Variants in ZNF33B observed in about 807,000 individuals in gnomAD.
ZNF33B encodes zinc finger protein 11b (KOX 2).
A neutral mutation model predicts 45.8 loss-of-function variants in ZNF33B; 29 were observed. That is an observed-to-expected ratio of 0.63 (90% CI 0.47 to 0.86). The LOEUF (loss-of-function observed/expected upper bound fraction) is 0.86. Ranked by LOEUF, ZNF33B falls within the 40% of genes least tolerant of loss-of-function variation. ZNF33B has a pLI of 0.00. For synonymous variants in ZNF33B, 305 were observed against 307.8 expected, an observed-to-expected ratio of 0.99 and a Z score of 0.10; for missense variants, 831 against 909.9, an observed-to-expected ratio of 0.91 and a Z score of 1.12.
intron 4 of ZNF33B, among the ~76,000 whole-genome samples, chr10:42,596,997 T>C (rs1837427405): frequency 6.6e-6 from 1 of 152,030 alleles, no homozygotes; most frequent in African/African-American, 2.4e-5. Context: ...GTTTCTGATA[T>C]TGGAAAGAAA....
chr10:42,604,015 T>A (rs1448988559), intron 4 of ZNF33B, among the ~76,000 whole-genome samples: 5 of 152,202 alleles, frequency 3.3e-5, no homozygotes, highest in Non-Finnish European at 7.3e-5. Flanking sequence ...ACAATGTCTA[T>A]TCTTCAACAA....
chr10:42,614,451 T>G (rs1447108259), intron 4 of ZNF33B: 3 of 152,588 alleles, frequency 2.0e-5, no homozygotes, highest in African/African-American at 4.8e-5. Flanking sequence ...AGACACTAAA[T>G]AAAAATATGG....
intron 4 of ZNF33B, among the ~76,000 whole-genome samples, chr10:42,610,737 A>G (rs1383841477): frequency 6.6e-6 from 1 of 152,246 alleles, no homozygotes; most frequent in African/African-American, 2.4e-5. Flanking sequence ...TGCCAAATTA[A>G]TATCTAAATT....
chr10:42,595,468 G>C (rs1460084472), intron 4 of ZNF33B, among the ~76,000 whole-genome samples: 2 of 151,884 alleles, frequency 1.3e-5, no homozygotes, highest in Admixed American at 1.3e-4. Context: ...TCTTATTAAA[G>C]ACTTATTAAA....
rs1837008365 is a variant in ZNF33B at position 42,589,308 on chromosome 10, C to T, written c.*3305G>A. The T allele has an allele frequency of 6.6e-6, 1 of 152,204 alleles. No individual in the cohort carries two copies. Among genetic ancestry groups the T allele is most frequent in the African/African-American group, 2.4e-5 (1 of 41,450 alleles). The allele number at this position is 152,204 out of a possible 1,614,324, so 9.4% of individuals were successfully genotyped here. On this transcript the variant is annotated 3_prime_UTR_variant, in exon 5 of 5. Coordinates refer to ENST00000359467, the MANE Select transcript of ZNF33B (RefSeq NM_006955.3). ...TACAATTGATGAGCCAATAGTGGTA[C>T]ACTGTTATTAACTGAAGTCCAGAGT...
intron 4 of ZNF33B, among the ~76,000 whole-genome samples, chr10:42,600,732 T>C (rs1167343470): frequency 6.6e-6 from 1 of 152,212 alleles, no homozygotes; most frequent in Non-Finnish European, 1.5e-5. Flanking sequence ...ATATGAATCT[T>C]CCAATAGTAT....
intron 4 of ZNF33B, among the ~76,000 whole-genome samples, chr10:42,617,947 C>A (rs1838398850): frequency 6.6e-6 from 1 of 152,194 alleles, no homozygotes; most frequent in African/African-American, 2.4e-5. Flanking sequence ...ACTGAAACCA[C>A]ACAAACTCCA....
At chr10:42,596,569 T>C (rs1837409263) in intron 4 of ZNF33B, among the ~76,000 whole-genome samples, 1 of 152,190 alleles carries the variant, frequency 6.6e-6, no homozygotes, top group Non-Finnish European at 1.5e-5. Flanking sequence ...TCAGCAATAT[T>C]GAGCTTTCTG....
chr10:42,625,715 C>T (rs1714892806), intron 4 of ZNF33B, among the ~76,000 whole-genome samples: 1 of 152,238 alleles, frequency 6.6e-6, no homozygotes, highest in South Asian at 2.1e-4. Context: ...TCAGGTGATC[C>T]ACTCGCCACG....
rs185039215 is a variant in ZNF33B at position 42,633,787 on chromosome 10, G to A, written c.10-1348C>T. Among the ~76,000 whole-genome samples the A allele has an allele frequency of 5.0e-3, 759 of 152,246 alleles. 6 individuals are homozygous for A. Among genetic ancestry groups the A allele is most frequent in the African/African-American group, 0.017 (718 of 41,528 alleles). On this transcript the variant is annotated intron_variant, in intron 2 of 4. Coordinates refer to ENST00000359467, the MANE Select transcript of ZNF33B (RefSeq NM_006955.3). ...GTTCGAGACCAGCCTGACCAAAATG[G>A]TGAAACCTCATCTCTACTAAAAATA...
downstream of ZNF33B, among the ~76,000 whole-genome samples, chr10:42,585,283 T>C (rs1404976507): frequency 6.6e-6 from 1 of 152,224 alleles, no homozygotes; most frequent in Non-Finnish European, 1.5e-5. Context: ...CAAAGTGTTT[T>C]TATAATGAAC....
chr10:42,598,751 T>A (rs114109457), intron 4 of ZNF33B, among the ~76,000 whole-genome samples: 1,844 of 152,320 alleles, frequency 0.012, 25 homozygotes, highest in African/African-American at 0.03. Context: ...TAACCACACT[T>A]GGTCATGAGG....
At chr10:42,602,312 T>G (rs1275826366) in intron 4 of ZNF33B, among the ~76,000 whole-genome samples, 5 of 146,406 alleles carry the variant, frequency 3.4e-5, no homozygotes, top group Non-Finnish European at 7.5e-5. Flanking sequence ...TTTGATTTGT[T>G]TTTTTTTTTT....
chr10:42,605,122 T>A (rs1420951180), intron 4 of ZNF33B: 1 of 150,136 alleles, frequency 6.7e-6, no homozygotes, highest in East Asian at 2.0e-4. Flanking sequence ...AGGGGAAAAA[T>A]ATCAAGTAGC....
chr10:42,592,458 A>C lies in ZNF33B; in HGVS notation c.*155T>G. On this transcript the variant is annotated 3_prime_UTR_variant, in exon 5 of 5. Coordinates refer to ENST00000359467, the MANE Select transcript of ZNF33B (RefSeq NM_006955.3). ...AGCCATCCTATAGTTGTTGTAGTCT[A>C]TGGGTTTATCCCCTACTGTTACTTT... The C allele has an allele frequency of 9.2e-7, 1 of 1,085,508 alleles. No individual in the cohort carries two copies. Among genetic ancestry groups the C allele is most frequent in the Non-Finnish European group, 1.3e-6 (1 of 751,638 alleles). The allele number at this position is 1,085,508 out of a possible 1,614,324, so 67.2% of individuals were successfully genotyped here. A position where few individuals can be genotyped will look rare whatever the true frequency, so the allele number is the denominator to read the frequency against.
intron 4 of ZNF33B, among the ~76,000 whole-genome samples, chr10:42,628,979 T>C (rs1226431388): frequency 6.6e-6 from 1 of 152,070 alleles, no homozygotes; most frequent in East Asian, 1.9e-4. Context: ...AGAAAAGAAA[T>C]CAGAACATCA....
chr10:42,632,551 TCATAA>T, intron 2 of ZNF33B, 112 bp from the exon 3 acceptor site: 1 of 1,391,246 alleles, frequency 7.2e-7, no homozygotes, highest in Non-Finnish European at 9.6e-7. Context: ...AAAAAAGAAA[TCATAA>T]CAGAAATATT....
intron 4 of ZNF33B, among the ~76,000 whole-genome samples, chr10:42,598,340 C>G (rs145466106): frequency 6.6e-6 from 1 of 152,246 alleles, no homozygotes; most frequent in African/African-American, 2.4e-5. Context: ...ACCAGCCTCA[C>G]GCTGTGGGTC....
In ZNF33B at chr10:42,632,419, C is replaced by T; in HGVS notation, c.30G>A (p.Gly10=). ...CAGTCACATCTTTAAATGATACTGA[C>T]CCCTGGAACTTCTGATCTACCTGAA... MNKVDQKFQ[G]SVSFKDVTVG... is the part of the protein sequence containing the mutation. Residue 10 remains glycine (G), a synonymous_variant, in exon 3 of 5, where the codon GGG becomes GGA. Coordinates refer to ENST00000359467, the MANE Select transcript of ZNF33B (RefSeq NM_006955.3). 1.2e-6 allele frequency: 2 copies of T among 1,613,436 alleles called. No individual in the cohort carries two copies. Among genetic ancestry groups the T allele is most frequent in the Non-Finnish European group, 8.5e-7 (1 of 1,179,876 alleles).
Sources: allele counts gnomAD v4.1 joint callset (sites outside exome capture counted in the v4.1 genomes callset), GRCh38; gene constraint gnomAD v4.1.1; transcripts MANE v1.5; gene names NCBI Gene and HGNC (gene_info 2026-07-23, HGNC 2026-07-21).